Variants in PTPRD observed in about 807,000 individuals in gnomAD.
PTPRD encodes the protein receptor-type tyrosine-protein phosphatase delta.
A neutral mutation model predicts 214.5 loss-of-function variants in PTPRD; 34 were observed. That is an observed-to-expected ratio of 0.16 (90% CI 0.12 to 0.21). PTPRD has a LOEUF of 0.21. Ranked by LOEUF, PTPRD falls within the 10% of genes least tolerant of loss-of-function variation. PTPRD has a pLI of 1.00. For synonymous variants in PTPRD, 1,128 were observed against 845.7 expected, an observed-to-expected ratio of 1.33 and a Z score of -5.79; for missense variants, 2,545 against 2,398.7, an observed-to-expected ratio of 1.06 and a Z score of -1.27.
chr9:10,458,473 C>T (rs1346361213), intron 2 of PTPRD, among the ~76,000 whole-genome samples: 1 of 152,118 alleles, frequency 6.6e-6, no homozygotes, highest in Non-Finnish European at 1.5e-5. Flanking sequence ...CAGGTAAAAA[C>T]ATTAGACAAA....
intron 7 of PTPRD, among the ~76,000 whole-genome samples, chr9:9,696,353 T>G (rs761337985): frequency 1.3e-5 from 2 of 152,162 alleles, no homozygotes; most frequent in Non-Finnish European, 2.9e-5. Context: ...TGATGTTTCT[T>G]CATTGACCTT....
At chr9:9,309,180 T>C (rs1435843073) in intron 9 of PTPRD, among the ~76,000 whole-genome samples, 1 of 152,032 alleles carries the variant, frequency 6.6e-6, no homozygotes, top group African/African-American at 2.4e-5. Flanking sequence ...AGCCCTAGAA[T>C]GATTTGGTGC....
chr9:10,301,843 C>G (rs1334971143), intron 3 of PTPRD, among the ~76,000 whole-genome samples: 1 of 152,168 alleles, frequency 6.6e-6, no homozygotes, highest in Non-Finnish European at 1.5e-5. Flanking sequence ...TTGGAAAACA[C>G]TCTTCAGGGT....
At chr9:10,531,359 T>C (rs1590183622) in intron 2 of PTPRD, among the ~76,000 whole-genome samples, 1 of 152,114 alleles carries the variant, frequency 6.6e-6, no homozygotes, top group Admixed American at 6.6e-5. Context: ...AAAATCACCA[T>C]ACTATGCAAA....
At chr9:9,940,614 A>C (rs1222971216) in intron 4 of PTPRD, among the ~76,000 whole-genome samples, 1 of 152,196 alleles carries the variant, frequency 6.6e-6, no homozygotes, top group African/African-American at 2.4e-5. Flanking sequence ...ATTAAATCGC[A>C]TAGCATACCT....
Position 9,988,836 on chromosome 9 carries a change from T to C in PTPRD, c.-472+44882A>G, listed in dbSNP as rs544368479. 2.0e-5 allele frequency among the ~76,000 whole-genome samples: 3 copies of C among 151,810 alleles called. No individual in the cohort carries two copies. The East Asian group carries it at 5.8e-4, about 29-fold the overall frequency. Reference sequence around the variant, plus strand: ...TTTCTTTTTATGGCCACACATTATATAAGGGATATCTTTTAATCTACTTCC... The same window carrying C: ...TTTCTTTTTATGGCCACACATTATACAAGGGATATCTTTTAATCTACTTCC... On this transcript the variant is annotated intron_variant, in intron 4 of 45. Coordinates refer to ENST00000381196, the MANE Select transcript of PTPRD (RefSeq NM_002839.4).
intron 32 of PTPRD, among the ~76,000 whole-genome samples, chr9:8,464,325 C>G (rs1216477624): frequency 6.6e-6 from 1 of 152,102 alleles, no homozygotes; most frequent in East Asian, 1.9e-4. Flanking sequence ...ATTCCATTCC[C>G]TTGATGTTCT....
chr9:9,455,897 T>C (rs889143501), intron 8 of PTPRD, among the ~76,000 whole-genome samples: 1 of 151,772 alleles, frequency 6.6e-6, no homozygotes, highest in Admixed American at 6.6e-5. Flanking sequence ...GAGCAAGGCA[T>C]TGATTAAGCT....
chr9:9,421,317 T>C (rs866287258), intron 8 of PTPRD, among the ~76,000 whole-genome samples: 1 of 117,624 alleles, frequency 8.5e-6, no homozygotes, highest in Non-Finnish European at 1.8e-5. Context: ...TTACATACAA[T>C]ATAAACAGGA....
intron 30 of PTPRD, among the ~76,000 whole-genome samples, chr9:8,478,578 A>G (rs2381805): frequency 0.34 from 52,150 of 151,988 alleles, 9,210 homozygotes; most frequent in African/African-American, 0.44. Context: ...AAGTCACAGA[A>G]GTTCCCTATG....
intron 9 of PTPRD, among the ~76,000 whole-genome samples, chr9:9,315,690 A>C (rs1962418442): frequency 6.6e-6 from 1 of 151,840 alleles, no homozygotes; most frequent in African/African-American, 2.4e-5. Flanking sequence ...CTACTGTAGA[A>C]TATTCCTTGC....
chr9:8,605,176 T>C (rs558448173), intron 14 of PTPRD, among the ~76,000 whole-genome samples: 98 of 152,302 alleles, frequency 6.4e-4, no homozygotes, highest in Non-Finnish European at 9.9e-4. Context: ...GCCAACATAA[T>C]ATGCCTCAGC....
intron 3 of PTPRD, among the ~76,000 whole-genome samples, chr9:10,096,292 G>C (rs891035385): frequency 1.3e-5 from 2 of 151,744 alleles, no homozygotes; most frequent in Non-Finnish European, 3.0e-5. Context: ...TGAATCTGTA[G>C]AACAACCAAA....
chr9:10,230,024 C>T (rs536065623), intron 3 of PTPRD, among the ~76,000 whole-genome samples: 1 of 152,050 alleles, frequency 6.6e-6, no homozygotes, highest in East Asian at 1.9e-4. Context: ...TTTCAATTCT[C>T]AAGTTAGGCT....
chr9:8,755,407 T>A (rs762662149), intron 11 of PTPRD, among the ~76,000 whole-genome samples: 2 of 151,406 alleles, frequency 1.3e-5, no homozygotes, highest in Non-Finnish European at 2.9e-5. Flanking sequence ...TGCATGCCTG[T>A]AATCCCAGCT....
intron 39 of PTPRD, among the ~76,000 whole-genome samples, chr9:8,352,815 A>G (rs1282577419): frequency 6.6e-6 from 1 of 152,166 alleles, no homozygotes; most frequent in Non-Finnish European, 1.5e-5. Flanking sequence ...TTTTCTTTTT[A>G]AAAAATGCTA....
At chr9:8,528,401 G>C (rs768060754) in intron 15 of PTPRD, 190 bp downstream of exon 15, 1 of 649,866 alleles carries the variant, frequency 1.5e-6, no homozygotes, top group Non-Finnish European at 2.7e-6. Flanking sequence ...CAGAGAAAAG[G>C]AGAAAGACAG....
chr9:9,737,481 G>C (rs1472975452), intron 6 of PTPRD, among the ~76,000 whole-genome samples: 1 of 152,072 alleles, frequency 6.6e-6, no homozygotes, highest in East Asian at 1.9e-4. Context: ...ACCCTATATA[G>C]TACCTATTAG....
chr9:9,782,073 G>C (rs1005632754), intron 5 of PTPRD, among the ~76,000 whole-genome samples: 1 of 152,036 alleles, frequency 6.6e-6, no homozygotes, highest in Admixed American at 6.5e-5. Flanking sequence ...TTACAGGCGT[G>C]AGCCACCGCA....
Sources: allele counts gnomAD v4.1 joint callset (sites outside exome capture counted in the v4.1 genomes callset), GRCh38; gene constraint gnomAD v4.1.1; transcripts MANE v1.5; gene names NCBI Gene and HGNC (gene_info 2026-07-23, HGNC 2026-07-21).